PUS10: variants seen among roughly 807,000 people sequenced by gnomAD.
PUS10 encodes the protein pseudouridine synthase 10, also known as tRNA pseudouridine synthase Pus10.
Under a neutral mutation model 75.0 loss-of-function variants are expected in PUS10, and 59 were observed. That is an observed-to-expected ratio of 0.79 (90% CI 0.64 to 0.98). The LOEUF (loss-of-function observed/expected upper bound fraction) is 0.98. PUS10 is among the 50% of genes least tolerant of loss of function. PUS10 has a pLI of 0.00. For missense variants in PUS10, 650 were observed against 614.4 expected (o/e 1.06, Z -0.61); for synonymous variants, 219 against 211.6 (o/e 1.03, Z -0.30).
rs770026611 is a variant in PUS10, at chr2:60,948,007, G to A, written c.1451+36C>T. On this transcript the variant is annotated intron_variant, in intron 16 of 17. Transcript: ENST00000316752. ...CCATGAACTTTTCCAATAGAGTTCTGGTTCGATGGCGGCAGTGCAGCAGGT... is the reference window on the plus strand; with the variant it reads ...CCATGAACTTTTCCAATAGAGTTCTAGTTCGATGGCGGCAGTGCAGCAGGT... 10 of 1,612,902 alleles carry A rather than the reference G, an allele frequency of 6.2e-6. No homozygotes were observed. The South Asian group carries it at 9.9e-5, about 16-fold the overall frequency.
chr2:60,945,176 C>CA (rs1346197155), intron 16 of PUS10, 68 bp from the exon 17 acceptor site: 2 of 936,262 alleles, frequency 2.1e-6, no homozygotes, highest in Non-Finnish European at 3.5e-6. Context: ...ATTTGACAGG[C>CA]AAAAATAATA....
At chr2:60,988,783 G>A (rs1490552598) in intron 4 of PUS10, among the ~76,000 whole-genome samples, 6 of 151,672 alleles carry the variant, frequency 4.0e-5, no homozygotes, top group African/African-American at 4.8e-5. Flanking sequence ...TTACAAGTGC[G>A]CGCCACCATA....
At position 60,965,418 on chromosome 2, in the gene PUS10, C is replaced by A. The variant is rs1389659969; in HGVS notation, c.677+5G>T. ...ACCATTGACGTTGTTTACATGGCAACTTACAGGAAGTGGCAATCCTCAACT... is the reference window on the plus strand; with the variant it reads ...ACCATTGACGTTGTTTACATGGCAAATTACAGGAAGTGGCAATCCTCAACT... On this transcript the variant is annotated splice_donor_5th_base_variant and intron_variant, in intron 7 of 17. Transcript: ENST00000316752. 1.9e-6 allele frequency: 3 copies of A among 1,609,022 alleles called. No individual in the cohort carries two copies. The African/African-American group carries it at 4.0e-5, about 22-fold the overall frequency.
At chr2:61,007,544 G>A (rs888786781) in intron 3 of PUS10, among the ~76,000 whole-genome samples, 3 of 151,786 alleles carry the variant, frequency 2.0e-5, no homozygotes, top group South Asian at 4.2e-4. Flanking sequence ...CAAGTCAGGC[G>A]GATCACCTGA....
chr2:61,010,958 C>A, intron 2 of PUS10: 18 of 1,493,186 alleles, frequency 1.2e-5, no homozygotes, highest in Non-Finnish European at 1.6e-5. Context: ...AAGACCTTGA[C>A]ATATAGTAAT....
At chr2:60,981,957 A>G (rs1677421925) in intron 4 of PUS10, among the ~76,000 whole-genome samples, 1 of 152,206 alleles carries the variant, frequency 6.6e-6, no homozygotes. Context: ...TTTTGAAGGA[A>G]AGTAAAGTAA....
chr2:61,004,584 G>A (rs1010734817), intron 4 of PUS10, among the ~76,000 whole-genome samples: 16 of 143,712 alleles, frequency 1.1e-4, no homozygotes, highest in Non-Finnish European at 2.1e-4. Context: ...AGCTGAGATC[G>A]TGCCACTGCA....
intron 11 of PUS10, among the ~76,000 whole-genome samples, chr2:60,955,406 T>G (rs1327267754): frequency 6.6e-6 from 1 of 152,148 alleles, no homozygotes; most frequent in Admixed American, 6.5e-5. Flanking sequence ...CATGGCCCAC[T>G]GCAGCCTCAA....
intron 1 of PUS10, among the ~76,000 whole-genome samples, chr2:61,012,846 AAAAAAAAAAAAAAAAAAAAAAAT>A (rs1465127964): frequency 3.4e-5 from 3 of 89,320 alleles, no homozygotes; most frequent in East Asian, 4.9e-4. Flanking sequence ...AAAAAAAAAA[AAAAAAAAAAAAAAAAAAAAAAAT>A]ATATATATAT....
chr2:60,959,561 G>A (rs1202168936), intron 11 of PUS10, among the ~76,000 whole-genome samples: 1 of 151,926 alleles, frequency 6.6e-6, no homozygotes, highest in Non-Finnish European at 1.5e-5. Context: ...GCTGATTTTT[G>A]TATTTTTAGT....
At chr2:60,957,829 C>T (rs1480449330) in intron 11 of PUS10, among the ~76,000 whole-genome samples, 1 of 152,252 alleles carries the variant, frequency 6.6e-6, no homozygotes, top group Non-Finnish European at 1.5e-5. Context: ...GTGTTTTAGT[C>T]AGGAGTAGAC....
Position 61,018,229 on chromosome 2 carries a change from A to G in PUS10, c.-237T>C. On this transcript the variant is annotated 5_prime_UTR_variant, in exon 1 of 18. Coordinates refer to ENST00000316752, the MANE Select transcript of PUS10 (RefSeq NM_144709.4). Reference sequence around the variant, plus strand: ...AGTTGAGAGCGGCATTTGTCCAGCCACGGCATCGACAGGGAGCAAAGTCTC... The same window carrying G: ...AGTTGAGAGCGGCATTTGTCCAGCCGCGGCATCGACAGGGAGCAAAGTCTC... 1.3e-6 allele frequency: 2 copies of G among 1,551,068 alleles called. No homozygotes were observed. The highest frequency in any genetic ancestry group is 2.4e-5 in the South Asian group (2 of 84,058).
At chr2:61,012,299 C>T (rs1679654656) in intron 1 of PUS10, among the ~76,000 whole-genome samples, 1 of 151,938 alleles carries the variant, frequency 6.6e-6, no homozygotes, top group African/African-American at 2.4e-5. Flanking sequence ...TTAAACTTTT[C>T]CTGTAAGAAA....
chr2:60,968,166 G>A (rs988453416), intron 5 of PUS10, among the ~76,000 whole-genome samples: 1 of 152,098 alleles, frequency 6.6e-6, no homozygotes, highest in African/African-American at 2.4e-5. Flanking sequence ...CAGATAAATA[G>A]CTGAATAAAA....
At chr2:60,956,077 T>C (rs1188057291) in intron 11 of PUS10, among the ~76,000 whole-genome samples, 3 of 151,226 alleles carry the variant, frequency 2.0e-5, no homozygotes, top group Non-Finnish European at 4.4e-5. Flanking sequence ...GCTGCAAATA[T>C]TGGAAGGAGA....
At chr2:60,969,895 G>A (rs1048457136) in intron 5 of PUS10, among the ~76,000 whole-genome samples, 1 of 151,932 alleles carries the variant, frequency 6.6e-6, no homozygotes, top group Admixed American at 6.6e-5. Context: ...AGAGACCAGC[G>A]TGGCCAACAT....
chr2:60,948,610 A>G (rs1302895922), intron 15 of PUS10, among the ~76,000 whole-genome samples: 2 of 152,052 alleles, frequency 1.3e-5, no homozygotes, highest in Non-Finnish European at 2.9e-5. Context: ...GAAAAGGGTT[A>G]TACAAAAGGA....
chr2:61,011,441 C>T (rs1679590804), intron 2 of PUS10, among the ~76,000 whole-genome samples: 1 of 152,044 alleles, frequency 6.6e-6, no homozygotes, highest in Non-Finnish European at 1.5e-5. Flanking sequence ...GAATATTAGC[C>T]CCTCCTGGGA....
At chr2:60,958,080 A>T (rs1675791841) in intron 11 of PUS10, among the ~76,000 whole-genome samples, 1 of 152,182 alleles carries the variant, frequency 6.6e-6, no homozygotes, top group Admixed American at 6.5e-5. Context: ...ACTCCCTAAG[A>T]TTCCTTAAGT....
Sources: gnomAD v4.1 joint callset for allele counts (sites outside exome capture counted in the v4.1 genomes callset) on GRCh38, gnomAD v4.1.1 for gene constraint, MANE v1.5 for transcripts, NCBI Gene and HGNC (gene_info 2026-07-23, HGNC 2026-07-21) for gene names.